The following KIAA0825 variants were observed in gnomAD, a reference collection of about 807,000 sequenced individuals.
KIAA0825 encodes the protein KIAA0825.
A neutral mutation model predicts 147.6 loss-of-function variants in KIAA0825; 119 were observed. The ratio of observed to expected loss-of-function variants is 0.81; its 90% CI spans 0.69 to 0.94. The LOEUF (loss-of-function observed/expected upper bound fraction) is 0.94, where lower values mean the gene tolerates loss of function less well. Among genes scored for constraint, KIAA0825 ranks in the 40% least tolerant of loss-of-function variants. The pLI, the probability that KIAA0825 is intolerant of heterozygous loss-of-function variation, is 0.00. For missense variants in KIAA0825, 1,381 were observed against 1,472.7 expected (o/e 0.94, Z 1.02); for synonymous variants, 470 against 518.1 (o/e 0.91, Z 1.26).
chr5:94,544,347 G>A (rs1179378369), intron 2 of KIAA0825, among the ~76,000 whole-genome samples: 3 of 152,214 alleles, frequency 2.0e-5, no homozygotes, highest in Non-Finnish European at 2.9e-5. Flanking sequence ...ATGAGAAGAA[G>A]GGGCTAAACT....
intron 20 of KIAA0825, among the ~76,000 whole-genome samples, chr5:94,157,352 C>G (rs566475871): frequency 3.9e-5 from 6 of 152,250 alleles, no homozygotes; most frequent in Admixed American, 2.6e-4. Context: ...TGAGACTCCA[C>G]TGATCTGTAC....
At chr5:94,339,224 T>C (rs1782114291) in intron 20 of KIAA0825, among the ~76,000 whole-genome samples, 1 of 152,234 alleles carries the variant, frequency 6.6e-6, no homozygotes, top group Admixed American at 6.5e-5. Context: ...AACTAGGGGG[T>C]AGTATACTAA....
At chr5:94,244,231 A>G (rs1775493643) in intron 20 of KIAA0825, among the ~76,000 whole-genome samples, 1 of 152,212 alleles carries the variant, frequency 6.6e-6, no homozygotes. Context: ...TCTTAGAATA[A>G]ACCATATCTT....
chr5:94,179,000 A>G (rs1769357998), intron 20 of KIAA0825, among the ~76,000 whole-genome samples: 1 of 152,062 alleles, frequency 6.6e-6, no homozygotes, highest in South Asian at 2.1e-4. Context: ...TTTAAAATAC[A>G]TTTTTCTAAG....
intron 20 of KIAA0825, among the ~76,000 whole-genome samples, chr5:94,191,164 T>C (rs1274385198): frequency 6.6e-6 from 1 of 152,224 alleles, no homozygotes; most frequent in African/African-American, 2.4e-5. Flanking sequence ...AGGTAACTTG[T>C]AGGTACCTCA....
intron 1 of KIAA0825, among the ~76,000 whole-genome samples, chr5:94,612,614 A>T (rs1412445661): frequency 6.6e-6 from 1 of 152,214 alleles, no homozygotes; most frequent in Non-Finnish European, 1.5e-5. Flanking sequence ...TTGAACAAAT[A>T]AAGTGCCTTA....
At chr5:94,232,257 G>C (rs1227481741) in intron 20 of KIAA0825, among the ~76,000 whole-genome samples, 1 of 151,984 alleles carries the variant, frequency 6.6e-6, no homozygotes, top group Non-Finnish European at 1.5e-5. Flanking sequence ...TTGCAGAGCA[G>C]TTATTTTTCC....
chr5:94,330,782 CAGA>C (rs1781187351), intron 20 of KIAA0825, among the ~76,000 whole-genome samples: 1 of 152,196 alleles, frequency 6.6e-6, no homozygotes, highest in South Asian at 2.1e-4. Context: ...TCAACCTTTT[CAGA>C]CTTTCTTCCC....
chr5:94,249,616 G>A (rs1032722069), intron 20 of KIAA0825, among the ~76,000 whole-genome samples: 1 of 151,964 alleles, frequency 6.6e-6, no homozygotes, highest in Admixed American at 6.6e-5. Context: ...CCACCCCAGG[G>A]CTCTGATAAC....
chr5:94,544,218 T>G (rs2151390173), intron 2 of KIAA0825, among the ~76,000 whole-genome samples: 1 of 152,354 alleles, frequency 6.6e-6, no homozygotes, highest in Middle Eastern at 3.4e-3. Context: ...GGCCCAGAAG[T>G]AACCTAGAAT....
chr5:94,493,578 C>A (rs534940015), intron 5 of KIAA0825, among the ~76,000 whole-genome samples: 4 of 152,110 alleles, frequency 2.6e-5, no homozygotes, highest in Non-Finnish European at 4.4e-5. Context: ...AGCTCCACCC[C>A]GCCGGGTTCA....
At chr5:94,355,449 T>A (rs1274584811) in intron 20 of KIAA0825, among the ~76,000 whole-genome samples, 1 of 152,170 alleles carries the variant, frequency 6.6e-6, no homozygotes, top group East Asian at 1.9e-4. Context: ...GATTGGAAAG[T>A]AAGTCACGAT....
In KIAA0825 at chr5:94,520,461, A is replaced by T; in HGVS notation, c.757T>A (p.Ser253Thr). ...GTGTTAAAATCCTCTTTTATTACTG[A>T]GTATAACTTAAGCATTGTACTTTGA... The part of the protein sequence containing the change: ...GYQSTMLKLY[S>T]VIKEDFNTLC... Residue 253 changes from serine to threonine, a missense_variant, in exon 5 of 21, where the codon TCA (serine) becomes ACA (threonine). Coordinates refer to ENST00000682413, the MANE Select transcript of KIAA0825 (RefSeq NM_001145678.3). 2 of 1,612,734 alleles carry T rather than the reference A, an allele frequency of 1.2e-6. No homozygotes were observed. Among genetic ancestry groups the T allele is most frequent in the Non-Finnish European group, 1.7e-6 (2 of 1,178,984 alleles).
At chr5:94,397,011 C>T (rs1750747107) in intron 16 of KIAA0825, among the ~76,000 whole-genome samples, 1 of 152,044 alleles carries the variant, frequency 6.6e-6, no homozygotes, top group South Asian at 2.1e-4. Context: ...ATCATCTCAT[C>T]TCAGTCCATT....
At chr5:94,543,729 T>C (rs1428999522) in intron 2 of KIAA0825, among the ~76,000 whole-genome samples, 2 of 152,090 alleles carry the variant, frequency 1.3e-5, no homozygotes, top group African/African-American at 4.8e-5. Flanking sequence ...TAGGATTAAG[T>C]TTAGGATTAA....
intron 3 of KIAA0825, among the ~76,000 whole-genome samples, chr5:94,532,492 T>C (rs1422675308): frequency 6.6e-6 from 1 of 151,380 alleles, no homozygotes; most frequent in Non-Finnish European, 1.5e-5. Flanking sequence ...CCTTCCTCCA[T>C]TTCCTCCCTC....
intron 20 of KIAA0825, among the ~76,000 whole-genome samples, chr5:94,251,750 T>G (rs976052140): frequency 2.6e-5 from 4 of 152,192 alleles, no homozygotes; most frequent in Middle Eastern, 3.4e-3. Context: ...AATGCATTTT[T>G]TTTGTATAGG....
At chr5:94,519,950 TAC>T (rs1157332401) in intron 5 of KIAA0825, 6 of 962,190 alleles carry the variant, frequency 6.2e-6, no homozygotes, top group Non-Finnish European at 7.7e-6. Context: ...TATGTGTGTA[TAC>T]ACACAGTTTC....
intron 18 of KIAA0825, among the ~76,000 whole-genome samples, chr5:94,387,985 G>A (rs904274909): frequency 1.4e-4 from 21 of 152,150 alleles, no homozygotes; most frequent in African/African-American, 4.8e-4. Context: ...AACAATCATC[G>A]TTTTTGAACT....
Sources: allele counts gnomAD v4.1 joint callset (sites outside exome capture counted in the v4.1 genomes callset), GRCh38; gene constraint gnomAD v4.1.1; transcripts MANE v1.5; gene names NCBI Gene and HGNC (gene_info 2026-07-23, HGNC 2026-07-21).